Variants in GLRA1 observed in about 807,000 individuals in gnomAD.
GLRA1 encodes the protein glycine receptor alpha 1, also known as glycine receptor subunit alpha-1.
GLRA1 carries 37 observed loss-of-function variants against 48.3 expected under a neutral mutation model. That is an observed-to-expected ratio of 0.77 (90% CI 0.59 to 1.01). The LOEUF (loss-of-function observed/expected upper bound fraction) is 1.01, where lower values mean the gene tolerates loss of function less well. Ranked by LOEUF, GLRA1 falls within the 50% of genes least tolerant of loss-of-function variation. The pLI is 0.00. For synonymous variants in GLRA1, 196 were observed against 210.7 expected (o/e 0.93, Z 0.60); for missense variants, 427 against 571.0 (o/e 0.75, Z 2.57).
intron 3 of GLRA1, among the ~76,000 whole-genome samples, chr5:151,862,690 AC>A (rs1753236820): frequency 6.6e-6 from 1 of 152,218 alleles, no homozygotes; most frequent in Admixed American, 6.5e-5. Flanking sequence ...CTTCTCAGAG[AC>A]CTTAATATGC....
intron 1 of GLRA1, among the ~76,000 whole-genome samples, chr5:151,907,626 A>G (rs759233651): frequency 1.3e-5 from 2 of 152,222 alleles, no homozygotes; most frequent in Non-Finnish European, 2.9e-5. Context: ...GCACTGTGCC[A>G]TATGCATTAG....
At chr5:151,887,754 A>C (rs1561572595) in intron 2 of GLRA1, among the ~76,000 whole-genome samples, 1 of 152,244 alleles carries the variant, frequency 6.6e-6, no homozygotes, top group Admixed American at 6.5e-5. Context: ...CAGAATTTTC[A>C]GCACTGGGTT....
chr5:151,917,430 T>C (rs1754765327), intron 1 of GLRA1, among the ~76,000 whole-genome samples: 1 of 152,218 alleles, frequency 6.6e-6, no homozygotes, highest in Non-Finnish European at 1.5e-5. Context: ...TATTTCATTT[T>C]ATTTAATTTT....
intron 2 of GLRA1, among the ~76,000 whole-genome samples, chr5:151,888,807 G>A (rs1753984617): frequency 1.3e-5 from 2 of 152,192 alleles, no homozygotes; most frequent in Admixed American, 1.3e-4. Flanking sequence ...ACTTCCAGCA[G>A]TGGGAAACTC....
At chr5:151,913,712 A>G (rs1194951916) in intron 1 of GLRA1, among the ~76,000 whole-genome samples, 3 of 152,240 alleles carry the variant, frequency 2.0e-5, no homozygotes, top group Admixed American at 2.0e-4. Flanking sequence ...CAGCAGCTAA[A>G]GGCTCTCTGA....
chr5:151,913,857 G>T (rs888331731), intron 1 of GLRA1, among the ~76,000 whole-genome samples: 1 of 152,194 alleles, frequency 6.6e-6, no homozygotes, highest in African/African-American at 2.4e-5. Flanking sequence ...AGGTTACATG[G>T]GTTAAGTTCT....
intron 8 of GLRA1, among the ~76,000 whole-genome samples, chr5:151,825,317 T>C (rs1367718058): frequency 6.6e-6 from 1 of 152,202 alleles, no homozygotes; most frequent in East Asian, 1.9e-4. Context: ...TTTTTATTTT[T>C]TATTTTAAAC....
At chr5:151,907,260 G>A (rs548486834) in intron 1 of GLRA1, among the ~76,000 whole-genome samples, 27 of 152,174 alleles carry the variant, frequency 1.8e-4, no homozygotes, top group East Asian at 1.4e-3. Context: ...TATATTAAGC[G>A]AAAAATTATC....
chr5:151,855,212 T>C, intron 5 of GLRA1, 35 bp from the exon 6 acceptor site: 2 of 1,608,210 alleles, frequency 1.2e-6, no homozygotes, highest in Non-Finnish European at 1.7e-6. Flanking sequence ...CAGTCACCAC[T>C]CAGAAGCACT....
At chr5:151,845,956 G>A (rs1227242397) in intron 7 of GLRA1, among the ~76,000 whole-genome samples, 1 of 152,176 alleles carries the variant, frequency 6.6e-6, no homozygotes, top group Non-Finnish European at 1.5e-5. Context: ...GAAGCCAATC[G>A]TAAAAGGCCA....
intron 7 of GLRA1, among the ~76,000 whole-genome samples, chr5:151,831,195 C>G (rs1396489805): frequency 1.3e-5 from 2 of 152,246 alleles, no homozygotes; most frequent in African/African-American, 2.4e-5. Context: ...CACCAGGGCC[C>G]TGGTTTTCAA....
intron 7 of GLRA1, among the ~76,000 whole-genome samples, chr5:151,834,944 C>T (rs532127728): frequency 2.1e-5 from 3 of 143,862 alleles, no homozygotes; most frequent in South Asian, 4.5e-4. Context: ...AGGAGAATAG[C>T]GTGAACCCGA....
At chr5:151,832,961 C>A (rs1345980257) in intron 7 of GLRA1, among the ~76,000 whole-genome samples, 1 of 152,190 alleles carries the variant, frequency 6.6e-6, no homozygotes, top group Non-Finnish European at 1.5e-5. Flanking sequence ...TCGGCAGAAA[C>A]CCTACAAGCC....
At chr5:151,835,329 A>G (rs576742472) in intron 7 of GLRA1, among the ~76,000 whole-genome samples, 1 of 152,326 alleles carries the variant, frequency 6.6e-6, no homozygotes, top group South Asian at 2.1e-4. Context: ...TTCACAGCCA[A>G]ATTCTACAAG....
intron 1 of GLRA1, among the ~76,000 whole-genome samples, chr5:151,923,522 A>C (rs769502062): frequency 1.3e-5 from 2 of 152,352 alleles, no homozygotes; most frequent in Non-Finnish European, 2.9e-5. Context: ...AATGTTTTTC[A>C]ATTCATATAA....
At chr5:151,903,818 G>A (rs970747172) in intron 1 of GLRA1, among the ~76,000 whole-genome samples, 2 of 152,132 alleles carry the variant, frequency 1.3e-5, no homozygotes, top group African/African-American at 4.8e-5. Flanking sequence ...ACAACTTTAT[G>A]AAACATCAAG....
Position 151,924,716 on chromosome 5 carries a change from G to A in GLRA1, c.-167C>T, listed in dbSNP as rs1581672677. ...GCCCCAGGGGAAATTGGAGCGAGGG[G>A]GTCGTAGATACCACGGACAGCGGCG... On this transcript the variant is annotated 5_prime_UTR_variant, in exon 1 of 9. Coordinates refer to ENST00000274576, the MANE Select transcript of GLRA1 (RefSeq NM_000171.4). 3 of 686,682 alleles carry A rather than the reference G, an allele frequency of 4.4e-6. No homozygotes were observed. The highest frequency in any genetic ancestry group is 1.8e-5 in the African/African-American group (1 of 56,406). 42.5% of individuals were successfully genotyped at this position (686,682 alleles called of 1,614,324 possible). A position where few individuals can be genotyped will look rare whatever the true frequency, so the allele number is the denominator to read the frequency against.
At chr5:151,866,046 G>T (rs1236224266) in intron 3 of GLRA1, among the ~76,000 whole-genome samples, 2 of 152,210 alleles carry the variant, frequency 1.3e-5, no homozygotes, top group East Asian at 3.8e-4. Flanking sequence ...GACTGGAGGA[G>T]CAGCAATTGA....
chr5:151,872,774 G>C (rs1459872583), intron 3 of GLRA1, among the ~76,000 whole-genome samples: 2 of 149,810 alleles, frequency 1.3e-5, no homozygotes, highest in Non-Finnish European at 2.9e-5. Context: ...TAATATATTT[G>C]TTTTCCCATG....
Sources: allele counts gnomAD v4.1 joint callset (sites outside exome capture counted in the v4.1 genomes callset), GRCh38; gene constraint gnomAD v4.1.1; transcripts MANE v1.5; gene names NCBI Gene and HGNC (gene_info 2026-07-23, HGNC 2026-07-21).